The following BAHCC1 variants were observed in gnomAD, a reference collection of about 807,000 sequenced individuals.
BAHCC1 encodes BAH and coiled-coil domain-containing protein 1.
Under a neutral mutation model 88.2 loss-of-function variants are expected in BAHCC1, and 43 were observed. That is an observed-to-expected ratio of 0.49 (90% CI 0.38 to 0.63). BAHCC1 has a LOEUF of 0.63. Among genes scored for constraint, BAHCC1 ranks in the 20% least tolerant of loss-of-function variants. The pLI is 0.00. For missense variants in BAHCC1, 3,023 were observed against 1,654.8 expected (o/e 1.83, Z -14.34); for synonymous variants, 1,510 against 745.5 (o/e 2.03, Z -16.71).
At position 81,463,828 on chromosome 17, in the gene BAHCC1, G is replaced by A. The variant is rs781844588; in HGVS notation, c.*11G>A. ...CCCATCCTATGCTGAGCCGCCCACC[G>A]CAGATGCCTCCCACGTGCGCCAGGG... On this transcript the variant is annotated 3_prime_UTR_variant, in exon 28 of 28. Transcript: ENST00000675386. The A allele has an allele frequency of 1.3e-5, 9 of 712,546 alleles. No individual in the cohort carries two copies. Among genetic ancestry groups the A allele is most frequent in the Middle Eastern group, 3.0e-4 (1 of 3,280 alleles). 44.1% of individuals were successfully genotyped at this position (712,546 alleles called of 1,614,324 possible).
chr17:81,453,912 T>C (rs567482250), intron 14 of BAHCC1, among the ~76,000 whole-genome samples: 96 of 152,346 alleles, frequency 6.3e-4, no homozygotes, highest in African/African-American at 2.1e-3. Context: ...CAGGGGTGCC[T>C]TGTGGCCCAT....
rs1474317125 is a variant in BAHCC1 at position 81,435,101 on chromosome 17, C to T, written c.359-3269C>T. Among the ~76,000 whole-genome samples the T allele has an allele frequency of 2.0e-5, 3 of 152,080 alleles. No homozygotes were observed. Among genetic ancestry groups the T allele is most frequent in the Admixed American group, 2.0e-4 (3 of 15,280 alleles). ...GTCCTTCAGCCCTGCCCCAGGGGCA[C>T]CCCCGACCCCCACTGACTGCCCACT... On this transcript the variant is annotated intron_variant, in intron 3 of 27. Transcript: ENST00000675386. The surrounding 1 kb of genome is among the most constrained non-coding windows in gnomAD (Gnocchi z 4.4).
At chr17:81,432,384 A>T (rs1227237711) in intron 3 of BAHCC1, among the ~76,000 whole-genome samples, 8 of 152,090 alleles carry the variant, frequency 5.3e-5, no homozygotes, top group African/African-American at 1.7e-4. Flanking sequence ...CCTGGTGGAC[A>T]GGCGGAAGGG....
intron 2 of BAHCC1, among the ~76,000 whole-genome samples, chr17:81,414,815 C>T (rs1205259772): frequency 6.6e-6 from 1 of 152,082 alleles, no homozygotes; most frequent in Non-Finnish European, 1.5e-5. Flanking sequence ...GGCAGGCACC[C>T]CCTGGGCCCA....
chr17:81,411,244 C>A lies in BAHCC1; in HGVS notation c.178+11327C>A. 2.0e-6 allele frequency: 1 copy of A among 504,544 alleles called. No individual in the cohort carries two copies. The highest frequency in any genetic ancestry group is 3.9e-6 in the Non-Finnish European group (1 of 253,634). 31.3% of individuals were successfully genotyped at this position (504,544 alleles called of 1,614,324 possible). A position where few individuals can be genotyped will look rare whatever the true frequency, so the allele number is the denominator to read the frequency against. ...GGGCCCCAGGAGGACTCGCCACCCC[C>A]AGTTGAGCAGCTCCCCTTCTCGGCA... On this transcript the variant is annotated intron_variant, in intron 2 of 27. Coordinates refer to ENST00000675386, the MANE Select transcript of BAHCC1 (RefSeq NM_001377448.1). The surrounding 1 kb of genome is among the most constrained non-coding windows in gnomAD (Gnocchi z 6.2).
chr17:81,406,633 G>A lies in BAHCC1; in HGVS notation c.178+6716G>A, dbSNP rs115444428. Among the ~76,000 whole-genome samples the A allele has an allele frequency of 8.5e-3, 1,298 of 152,336 alleles. 30 individuals carry two copies. The highest frequency in any genetic ancestry group is 0.03 in the African/African-American group (1,233 of 41,578). On this transcript the variant is annotated intron_variant, in intron 2 of 27. Coordinates refer to ENST00000675386, the MANE Select transcript of BAHCC1 (RefSeq NM_001377448.1). ...TGGGATAATATACCGTTTCGCTCAC[G>A]CAGGCCTATTTGTCAGTGGGCTGCC...
At chr17:81,415,709 CAT>C in intron 2 of BAHCC1, 1 of 363,688 alleles carries the variant, frequency 2.7e-6, no homozygotes, top group Middle Eastern at 1.1e-3. Flanking sequence ...TCCCGGCCAA[CAT>C]AGCCACCTCC....
chr17:81,443,496 T>C lies in BAHCC1; in HGVS notation c.2147T>C (p.Val716Ala), dbSNP rs782654617. ...GCCTTGGCCCGGCAGAAGGACACAG[T>C]GAGCCGGTCTGAGGCAGCCTACGGC... ...AVALARQKDT[V>A]SRSEAAYGTN... The change falls in exon 5 of 28, where the codon GTG becomes GCG. Residue 716 changes from valine to alanine, a missense_variant. By Grantham distance (64) the Val-to-Ala change is moderately conservative. Coordinates refer to ENST00000675386, the MANE Select transcript of BAHCC1 (RefSeq NM_001377448.1). 5 of 703,842 alleles carry C rather than the reference T, an allele frequency of 7.1e-6. No individual in the cohort carries two copies. The highest frequency in any genetic ancestry group is 1.3e-5 in the Non-Finnish European group (5 of 381,160). 43.6% of individuals were successfully genotyped at this position (703,842 alleles called of 1,614,324 possible).
intron 3 of BAHCC1, among the ~76,000 whole-genome samples, chr17:81,432,553 A>ACACT (rs2064273738): frequency 4.6e-5 from 1 of 21,708 alleles, no homozygotes; most frequent in African/African-American, 1.9e-4. Flanking sequence ...CACCAGGCCC[A>ACACT]CCCTCCCTCC....
rs1555653279 is a variant in BAHCC1, at chr17:81,443,345, G to A, written c.1996G>A (p.Glu666Lys). Residue 666 changes from glutamate to lysine, a missense_variant, in exon 5 of 28, where the codon GAA becomes AAA. By Grantham distance (56) the Glu-to-Lys change is moderately conservative (BLOSUM62 1). Coordinates refer to ENST00000675386, the MANE Select transcript of BAHCC1 (RefSeq NM_001377448.1). ...CCTCAAGGCCAGCTGCATCCAGCAG[G>A]AAGCAAAGTTCCTGTCCTCTAAGGG... ...GGLKASCIQQ[E>K]AKFLSSKGPG... is the part of the protein sequence containing the mutation. 2 of 778,896 alleles carry A rather than the reference G, an allele frequency of 2.6e-6. No individual in the cohort carries two copies. Among genetic ancestry groups the A allele is most frequent in the Non-Finnish European group, 4.8e-6 (2 of 417,620 alleles). The allele number at this position is 778,896 out of a possible 1,614,324, so 48.2% of individuals were successfully genotyped here. A position where few individuals can be genotyped will look rare whatever the true frequency, so the allele number is the denominator to read the frequency against.
intron 23 of BAHCC1, 89 bp from the exon 24 acceptor site, chr17:81,460,177 GCCCTCCCCTCA>G: frequency 3.0e-6 from 2 of 671,364 alleles, no homozygotes; most frequent in Admixed American, 4.3e-5. Flanking sequence ...GAACCCCAGA[GCCCTCCCCTCA>G]CCCTCCCCAC....
chr17:81,461,850 C>A lies in BAHCC1; in HGVS notation c.7187C>A (p.Thr2396Lys). 1 of 720,658 alleles carries A rather than the reference C, an allele frequency of 1.4e-6. No individual in the cohort carries two copies. Among genetic ancestry groups the A allele is most frequent in the East Asian group, 2.7e-5 (1 of 37,442 alleles). 44.6% of individuals were successfully genotyped at this position (720,658 alleles called of 1,614,324 possible). A position where few individuals can be genotyped will look rare whatever the true frequency, so the allele number is the denominator to read the frequency against. Reference protein sequence around the residue: ...HAQRCFLSRATVAGTGAGSGP... With the variant: ...HAQRCFLSRAKVAGTGAGSGP... ...CAGCGCTGCTTCCTGTCCAGGGCCACGGTGGCTGGCACCGGTGCGGGCTCA... is the reference window on the plus strand; with the variant it reads ...CAGCGCTGCTTCCTGTCCAGGGCCAAGGTGGCTGGCACCGGTGCGGGCTCA... Residue 2396 changes from threonine to lysine, a missense_variant, in exon 26 of 28, where the codon ACG becomes AAG. Thr to Lys is a moderately conservative substitution (Grantham distance 78, BLOSUM62 -1). Transcript: ENST00000675386.
intron 2 of BAHCC1, among the ~76,000 whole-genome samples, chr17:81,406,722 AT>A (rs1298029885): frequency 1.3e-5 from 2 of 152,228 alleles, no homozygotes; most frequent in Non-Finnish European, 2.9e-5. Context: ...CCGCGGGAGA[AT>A]CCAGGGATGG....
chr17:81,400,182 G>A (rs1228065487), intron 2 of BAHCC1, among the ~76,000 whole-genome samples: 1 of 151,990 alleles, frequency 6.6e-6, no homozygotes, highest in Non-Finnish European at 1.5e-5. Flanking sequence ...AAGCCTTTCC[G>A]CGCCTCGCCA....
intron 17 of BAHCC1, 81 bp downstream of exon 17, chr17:81,457,673 G>C: frequency 1.6e-6 from 1 of 632,530 alleles, no homozygotes; most frequent in Non-Finnish European, 2.9e-6. Flanking sequence ...GGGAGGGCAG[G>C]GGTTGCTGGG....
chr17:81,421,560 G>T (rs1555649591), intron 2 of BAHCC1, among the ~76,000 whole-genome samples: 4 of 152,342 alleles, frequency 2.6e-5, no homozygotes, highest in Admixed American at 1.3e-4. Context: ...TGACCACCTG[G>T]CAGGGCCTGC....
rs782170185 is a variant in BAHCC1, at chr17:81,463,782, C to T, written c.7792C>T (p.Leu2598=). 2.6e-6 allele frequency: 2 copies of T among 757,246 alleles called. No individual in the cohort carries two copies. The highest frequency in any genetic ancestry group is 4.9e-6 in the Non-Finnish European group (2 of 410,204). The allele number at this position is 757,246 out of a possible 1,614,324, so 46.9% of individuals were successfully genotyped here. A position where few individuals can be genotyped will look rare whatever the true frequency, so the allele number is the denominator to read the frequency against. Reference sequence around the variant, plus strand: ...CACCTACGACCCCACCACCGGGCGCCTGGTGACGGCTGATGGCGTGCCCAT... The same window carrying T: ...CACCTACGACCCCACCACCGGGCGCTTGGTGACGGCTGATGGCGTGCCCAT... ...AGTYDPTTGR[L]VTADGVPILC Residue 2598 remains leucine (L), a synonymous_variant, in exon 28 of 28, where the codon CTG becomes TTG. Coordinates refer to ENST00000675386, the MANE Select transcript of BAHCC1 (RefSeq NM_001377448.1).
intron 2 of BAHCC1, among the ~76,000 whole-genome samples, chr17:81,413,626 A>C (rs1336662304): frequency 2.6e-5 from 4 of 152,214 alleles, no homozygotes; most frequent in African/African-American, 9.7e-5. Context: ...TGGAGTGAGC[A>C]GACCCCGAAG....
chr17:81,438,268 G>T lies in BAHCC1; in HGVS notation c.359-102G>T, dbSNP rs1002759748. 8.3e-6 allele frequency: 6 copies of T among 718,794 alleles called. No individual in the cohort carries two copies. The Admixed American group carries it at 1.2e-4, about 14-fold the overall frequency. 44.5% of individuals were successfully genotyped at this position (718,794 alleles called of 1,614,324 possible). A position where few individuals can be genotyped will look rare whatever the true frequency, so the allele number is the denominator to read the frequency against. On this transcript the variant is annotated intron_variant, in intron 3 of 27. Coordinates refer to ENST00000675386, the MANE Select transcript of BAHCC1 (RefSeq NM_001377448.1). ...TGCGTGCTGGGCTCTGCGGGACATC[G>T]CTCCTGGGCTGCCTGCCGGCTTCTT... is the stretch of plus-strand genomic sequence containing the variant.
Sources: gnomAD v4.1 joint callset for allele counts (sites outside exome capture counted in the v4.1 genomes callset) on GRCh38, gnomAD v4.1.1 for gene constraint, Gnocchi (gnomAD v3.1) non-coding constraint, MANE v1.5 for transcripts, NCBI Gene and HGNC (gene_info 2026-07-23, HGNC 2026-07-21) for gene names.